The following TMPRSS7 variants were observed in gnomAD, a reference collection of about 807,000 sequenced individuals.
TMPRSS7 encodes the protein transmembrane protease serine 7.
In TMPRSS7, 81 loss-of-function variants were observed where a neutral mutation model predicts 95.6. That is an observed-to-expected ratio of 0.85 (90% confidence interval 0.71 to 1.02). The LOEUF is 1.02. TMPRSS7 is among the 50% of genes least tolerant of loss of function. The pLI, the probability that TMPRSS7 is intolerant of heterozygous loss-of-function variation, is 0.00. For missense variants in TMPRSS7, 945 were observed against 955.2 expected (o/e 0.99, Z 0.14); for synonymous variants, 364 against 337.8 (o/e 1.08, Z -0.85).
intron 15 of TMPRSS7, among the ~76,000 whole-genome samples, chr3:112,076,456 T>C (rs1047168205): frequency 6.6e-5 from 10 of 152,244 alleles, no homozygotes; most frequent in Admixed American, 3.9e-4. Flanking sequence ...ATTTCTAATC[T>C]ATCTTGGTAT....
chr3:112,075,732 G>T (rs56060014), intron 15 of TMPRSS7, among the ~76,000 whole-genome samples: 4,555 of 152,194 alleles, frequency 0.03, 191 homozygotes, highest in African/African-American at 0.088. Context: ...AAATAAGATA[G>T]GGCTTTTAAC....
At chr3:112,074,564 T>C (rs1221298974) in intron 14 of TMPRSS7, 152 bp downstream of exon 14, 1 of 505,454 alleles carries the variant, frequency 2.0e-6, no homozygotes, top group Non-Finnish European at 3.5e-6. Context: ...AGTCTGAAAT[T>C]GTTTCTCAGA....
intron 2 of TMPRSS7, among the ~76,000 whole-genome samples, chr3:112,041,426 T>G (rs2073206996): frequency 6.6e-6 from 1 of 152,050 alleles, no homozygotes; most frequent in African/African-American, 2.4e-5. Flanking sequence ...AGAGGAAATA[T>G]TCTCTCTCTC....
At chr3:112,044,067 T>A (rs544174579) in intron 3 of TMPRSS7, among the ~76,000 whole-genome samples, 188 bp from the exon 4 acceptor site, 4 of 152,318 alleles carry the variant, frequency 2.6e-5, no homozygotes, top group African/African-American at 7.2e-5. Context: ...AGTAAGTCAC[T>A]CAAGATTGTT....
intron 9 of TMPRSS7, among the ~76,000 whole-genome samples, chr3:112,051,547 CTATCTATCTATCTATCTATG>C (rs1187229311): frequency 2.5e-4 from 37 of 150,940 alleles, no homozygotes; most frequent in African/African-American, 8.6e-4. Flanking sequence ...ATCTATCTAT[CTATCTATCTATCTATCTATG>C]TATCTATCTA....
chr3:112,057,710 G>T (rs1209639417), intron 10 of TMPRSS7, among the ~76,000 whole-genome samples: 1 of 151,998 alleles, frequency 6.6e-6, no homozygotes, highest in African/African-American at 2.4e-5. Flanking sequence ...AAATAGTTTT[G>T]TTTTTTGTTT....
intron 12 of TMPRSS7, 130 bp from the exon 13 acceptor site, chr3:112,066,262 G>A (rs2073573372): frequency 4.4e-6 from 3 of 686,518 alleles, no homozygotes; most frequent in Non-Finnish European, 7.2e-6. Context: ...TGTCAGTTTT[G>A]AGGAAAATAC....
At chr3:112,066,494 G>T (rs2073578047) in exon 13 of TMPRSS7, 6 of 1,613,660 alleles carry the variant, frequency 3.7e-6, no homozygotes, top group Non-Finnish European at 5.1e-6. Flanking sequence ...GAGCAAAACT[G>T]CACTCAAAGT....
At chr3:112,080,858 G>A in intron 17 of TMPRSS7, 56 bp from the exon 18 acceptor site, 1 of 1,528,886 alleles carries the variant, frequency 6.5e-7, no homozygotes, top group Non-Finnish European at 8.8e-7. Context: ...CAATAAAGAT[G>A]AAACTGATGA....
At chr3:112,077,175 C>G in intron 16 of TMPRSS7, 31 bp downstream of exon 16, 2 of 1,605,206 alleles carry the variant, frequency 1.2e-6, no homozygotes, top group Non-Finnish European at 1.7e-6. Flanking sequence ...TCATGCCCTT[C>G]CCCTGCAGAG....
chr3:112,057,867 A>G (rs2073450850), intron 10 of TMPRSS7, among the ~76,000 whole-genome samples: 1 of 152,076 alleles, frequency 6.6e-6, no homozygotes, highest in Non-Finnish European at 1.5e-5. Flanking sequence ...CTGGGACTAC[A>G]GGCACGCACC....
Position 112,036,777 on chromosome 3 carries a change from GGAATTGCTGAAGCCATGGCA to G in TMPRSS7, c.49-1291_49-1272del, listed in dbSNP as rs1404795174. ...GGGAAGTCAGCGACCCTGAATGGAG[GGAATTGCTGAAGCCATGGCA>G]GAAGAACATAAATTGTGAAGATTTC... On this transcript the variant is annotated intron_variant, in intron 1 of 17. Coordinates refer to ENST00000452346, the Ensembl canonical transcript of TMPRSS7. 1.3e-4 allele frequency among the ~76,000 whole-genome samples: 20 copies of G among 152,260 alleles called. No homozygotes were observed. The East Asian group carries it at 3.5e-3, about 26-fold the overall frequency.
intron 3 of TMPRSS7, 119 bp downstream of exon 3, chr3:112,042,169 G>C (rs754337816): frequency 8.8e-6 from 6 of 684,274 alleles, no homozygotes; most frequent in Non-Finnish European, 1.4e-5. Context: ...TAGAGGGCAG[G>C]GTAGACAAAG....
At chr3:112,042,297 T>C (rs925005991) in intron 3 of TMPRSS7, among the ~76,000 whole-genome samples, 1 of 152,206 alleles carries the variant, frequency 6.6e-6, no homozygotes, top group Non-Finnish European at 1.5e-5. Context: ...TCAGTTCTTC[T>C]GAACCGTAAA....
At position 112,042,125 on chromosome 3, in the gene TMPRSS7, C is replaced by A. The variant is rs139192966; in HGVS notation, c.429+75C>A. 7.0e-4 allele frequency: 859 copies of A among 1,224,552 alleles called. 6 individuals are homozygous for A. In the African/African-American group the frequency reaches 0.012, roughly 17 times the overall value. The allele number at this position is 1,224,552 out of a possible 1,614,324, so 75.9% of individuals were successfully genotyped here. On this transcript the variant is annotated intron_variant, in intron 3 of 17. Coordinates refer to ENST00000452346, the Ensembl canonical transcript of TMPRSS7. ...GGTGGGGGATGAAGCTGGAGGGGAA[C>A]ACAAGTGTCACAGGTGAGCAGGGTT...
At chr3:112,056,479 G>T (rs1465033249) in intron 9 of TMPRSS7, among the ~76,000 whole-genome samples, 1 of 152,042 alleles carries the variant, frequency 6.6e-6, no homozygotes, top group African/African-American at 2.4e-5. Flanking sequence ...TGTGTGCATG[G>T]ACTGGTGTGG....
chr3:112,070,736 T>C (rs761273876), intron 13 of TMPRSS7, among the ~76,000 whole-genome samples: 3 of 152,224 alleles, frequency 2.0e-5, no homozygotes, highest in African/African-American at 7.2e-5. Context: ...GTACATGAGA[T>C]GGGTCTCCTG....
intron 4 of TMPRSS7, 37 bp downstream of exon 4, chr3:112,044,359 A>C: frequency 6.6e-7 from 1 of 1,506,818 alleles, no homozygotes; most frequent in South Asian, 1.2e-5. Context: ...TTCTGTGTTC[A>C]TTGTTCTAAA....
intron 17 of TMPRSS7, among the ~76,000 whole-genome samples, chr3:112,079,349 A>C (rs980245872): frequency 6.6e-6 from 1 of 152,174 alleles, no homozygotes; most frequent in African/African-American, 2.4e-5. Context: ...CTTTGGGGTG[A>C]CATTTCTCGG....
Sources: gnomAD v4.1 joint callset for allele counts (sites outside exome capture counted in the v4.1 genomes callset) on GRCh38, gnomAD v4.1.1 for gene constraint, MANE v1.5 for transcripts, NCBI Gene and HGNC (gene_info 2026-07-23, HGNC 2026-07-21) for gene names.